Variants in CDKN2B-AS1 observed in about 807,000 individuals in gnomAD.
CDKN2B-AS1 encodes the protein CDKN2B and CDKN2A antisense cis and trans regulatory RNA 1, also known as CDKN2B antisense RNA 1 (non-protein coding).
intron 2 of CDKN2B-AS1, among the ~76,000 whole-genome samples, chr9:22,047,969 T>C (rs1823180973): frequency 6.6e-6 from 1 of 151,792 alleles, no homozygotes; most frequent in South Asian, 2.1e-4. Flanking sequence ...TGTATTTTTT[T>C]TTTTTTGTAG....
chr9:22,057,150 A>G (rs1334654931), intron 4 of CDKN2B-AS1, among the ~76,000 whole-genome samples: 2 of 152,150 alleles, frequency 1.3e-5, no homozygotes, highest in African/African-American at 4.8e-5. Context: ...AATAAATATT[A>G]TTTTTAAAAT....
intron 1 of CDKN2B-AS1, among the ~76,000 whole-genome samples, chr9:22,015,768 C>T (rs1425621675): frequency 6.6e-6 from 1 of 152,226 alleles, no homozygotes; most frequent in African/African-American, 2.4e-5. Flanking sequence ...AGTTTCCTGA[C>T]TGTTTAATGA....
chr9:22,086,627 T>C (rs1476665465), intron 4 of CDKN2B-AS1, among the ~76,000 whole-genome samples: 1 of 152,196 alleles, frequency 6.6e-6, no homozygotes, highest in Non-Finnish European at 1.5e-5. Flanking sequence ...TAACCCACAT[T>C]TTTATTGCCC....
chr9:22,042,166 C>T (rs1822922582), intron 1 of CDKN2B-AS1, among the ~76,000 whole-genome samples: 1 of 152,028 alleles, frequency 6.6e-6, no homozygotes, highest in Admixed American at 6.6e-5. Flanking sequence ...TGAATTTGGG[C>T]TTCAGAAGTT....
chr9:22,029,543 CT>C, intron 1 of CDKN2B-AS1: 1 of 779,224 alleles, frequency 1.3e-6, no homozygotes, highest in South Asian at 1.3e-5. Flanking sequence ...CCATGACTTT[CT>C]TTGTGGTAGT....
chr9:22,029,483 C>T (rs1044673201), intron 1 of CDKN2B-AS1: 1 of 779,434 alleles, frequency 1.3e-6, no homozygotes, highest in African/African-American at 1.7e-5. Flanking sequence ...TATTGGTGTC[C>T]ATGCTGTGAT....
At chr9:22,026,730 A>G (rs1170157165) in intron 1 of CDKN2B-AS1, among the ~76,000 whole-genome samples, 5 of 152,154 alleles carry the variant, frequency 3.3e-5, no homozygotes, top group African/African-American at 1.2e-4. Flanking sequence ...AGTCGCAGCT[A>G]CTTTTGCCCA....
At chr9:22,097,051 G>C (rs917955191) in intron 4 of CDKN2B-AS1, among the ~76,000 whole-genome samples, 1 of 152,134 alleles carries the variant, frequency 6.6e-6, no homozygotes, top group Non-Finnish European at 1.5e-5. Context: ...ATGCAGACCT[G>C]TCTTCCATCC....
chr9:22,047,886 T>C (rs184316057), intron 2 of CDKN2B-AS1, among the ~76,000 whole-genome samples: 1 of 151,950 alleles, frequency 6.6e-6, no homozygotes, highest in Admixed American at 6.6e-5. Context: ...TCTTGGGCTA[T>C]AGTCGTCCTC....
intron 1 of CDKN2B-AS1, among the ~76,000 whole-genome samples, chr9:22,007,859 T>C (rs527852321): frequency 8.7e-4 from 133 of 152,300 alleles, no homozygotes; most frequent in Non-Finnish European, 1.6e-3. Flanking sequence ...CCTTTAAAAA[T>C]CCCTCATTTG....
Position 22,102,725 on chromosome 9 carries a change from C to G in CDKN2B-AS1, n.439-24378C>G, listed in dbSNP as rs72652481. Among the ~76,000 whole-genome samples, 1,495 of 152,222 alleles carry G rather than the reference C, an allele frequency of 9.8e-3. 20 individuals are homozygous for G. Among genetic ancestry groups the G allele is most frequent in the South Asian group, 0.039 (190 of 4,814 alleles). On this transcript the variant is annotated intron_variant and non_coding_transcript_variant, in intron 4 of 4. Transcript: ENST00000650946. ...TTGCAAATATGAACATTCTAATTAC[C>G]TTAGAGTTAAGATTTTCTTTTCTGC... is the stretch of plus-strand genomic sequence containing the variant.
At chr9:22,010,021 C>A (rs952157898) in intron 1 of CDKN2B-AS1, among the ~76,000 whole-genome samples, 45 of 152,118 alleles carry the variant, frequency 3.0e-4, no homozygotes, top group African/African-American at 1.1e-3. Context: ...ATCTGAGATC[C>A]CAGTTTCATC....
intron 1 of CDKN2B-AS1, among the ~76,000 whole-genome samples, chr9:22,040,315 C>T (rs185280238): frequency 6.6e-6 from 1 of 152,090 alleles, no homozygotes; most frequent in African/African-American, 2.4e-5. Flanking sequence ...AATGGAGCCT[C>T]ATAGAAATTA....
chr9:22,124,554 C>G (rs1322074301), intron 4 of CDKN2B-AS1, among the ~76,000 whole-genome samples: 1 of 152,140 alleles, frequency 6.6e-6, no homozygotes, highest in African/African-American at 2.4e-5. Context: ...TTATAACAAA[C>G]AAATATTATG....
intron 4 of CDKN2B-AS1, among the ~76,000 whole-genome samples, chr9:22,086,304 G>A (rs1016451468): frequency 2.6e-5 from 4 of 152,122 alleles, no homozygotes; most frequent in African/African-American, 9.7e-5. Flanking sequence ...TTTTGGAGTA[G>A]AGAATAAAGC....
At chr9:22,078,598 G>T (rs1001084008) in intron 4 of CDKN2B-AS1, among the ~76,000 whole-genome samples, 1 of 152,096 alleles carries the variant, frequency 6.6e-6, no homozygotes, top group South Asian at 2.1e-4. Flanking sequence ...ATCTGCAGGA[G>T]ATCTTGTTAA....
intron 4 of CDKN2B-AS1, among the ~76,000 whole-genome samples, chr9:22,075,453 G>T (rs999215168): frequency 2.0e-5 from 3 of 152,216 alleles, no homozygotes; most frequent in African/African-American, 7.2e-5. Flanking sequence ...AAGGTTTCCT[G>T]TAAAAATAAA....
intron 1 of CDKN2B-AS1, among the ~76,000 whole-genome samples, chr9:22,038,758 T>C (rs886263488): frequency 9.9e-5 from 15 of 152,174 alleles, no homozygotes; most frequent in African/African-American, 3.6e-4. Context: ...ACGGAGATAA[T>C]GTCTAGAAAA....
intron 4 of CDKN2B-AS1, among the ~76,000 whole-genome samples, chr9:22,095,797 G>A (rs1370920943): frequency 2.0e-5 from 3 of 150,032 alleles, no homozygotes; most frequent in Non-Finnish European, 4.4e-5. Context: ...ACAGATTTAG[G>A]ATAGTTAGCT....
Sources: allele counts gnomAD v4.1 joint callset (sites outside exome capture counted in the v4.1 genomes callset), GRCh38; gene constraint gnomAD v4.1.1; transcripts MANE v1.5; gene names NCBI Gene and HGNC (gene_info 2026-07-23, HGNC 2026-07-21).